Variants in NXN observed in about 807,000 individuals in gnomAD.
The protein encoded by NXN is nucleoredoxin, also known as nucleoredoxin 1.
In NXN, 16 loss-of-function variants were observed where a neutral mutation model predicts 48.6. The ratio of observed to expected loss-of-function variants is 0.33; its 90% CI spans 0.22 to 0.50. The LOEUF is 0.50. Among genes scored for constraint, NXN ranks in the 20% least tolerant of loss-of-function variants. NXN has a pLI of 0.98. For missense variants in NXN, 492 were observed against 605.5 expected, an observed-to-expected ratio of 0.81 and a Z score of 1.97; for synonymous variants, 281 against 269.6, an observed-to-expected ratio of 1.04 and a Z score of -0.41.
At chr17:846,427 AAAAAG>A (rs1444616506) in intron 1 of NXN, among the ~76,000 whole-genome samples, 25 of 149,686 alleles carry the variant, frequency 1.7e-4, no homozygotes, top group African/African-American at 5.1e-4. Context: ...AAAAAAAAAA[AAAAAG>A]AAAAGAAAAA....
rs555019477 is a variant in NXN at position 887,323 on chromosome 17, G to A, written c.361-61245C>T. On this transcript the variant is annotated intron_variant, in intron 1 of 7. Coordinates refer to ENST00000336868, the MANE Select transcript of NXN (RefSeq NM_022463.5). ...CGAAGGTTTGGCGGAGGTGCAGGGG[G>A]AGGTGTGGACAACGTACAGTCACAA... 8.4e-4 allele frequency among the ~76,000 whole-genome samples: 128 copies of A among 152,318 alleles called. 1 individual carries two copies. Among genetic ancestry groups the A allele is most frequent in the Admixed American group, 1.7e-3 (26 of 15,294 alleles).
chr17:800,710 GCCCCCGGCC>G lies in NXN; in HGVS notation c.*230_*238del. ...AGCCATGCAGCCCCGCTCTGGCCGGGCCCCCGGCCATCCCGTGCTCCCAAACAGAGTCTC... is the reference window on the plus strand; with the variant it reads ...AGCCATGCAGCCCCGCTCTGGCCGGGATCCCGTGCTCCCAAACAGAGTCTC... On this transcript the variant is annotated 3_prime_UTR_variant, in exon 8 of 8. Transcript: ENST00000336868. 2 of 357,878 alleles carry G rather than the reference GCCCCCGGCC, an allele frequency of 5.6e-6. No homozygotes were observed. Among genetic ancestry groups the G allele is most frequent in the Non-Finnish European group, 1.0e-5 (2 of 199,582 alleles). The allele number at this position is 357,878 out of a possible 1,614,324, so 22.2% of individuals were successfully genotyped here.
intron 1 of NXN, among the ~76,000 whole-genome samples, chr17:915,515 G>C (rs1043201506): frequency 4.6e-5 from 7 of 151,738 alleles, no homozygotes; most frequent in Non-Finnish European, 8.8e-5. Context: ...AAACTCTTGG[G>C]CTCAGGCAAT....
At chr17:946,880 G>C (rs566357042) in intron 1 of NXN, among the ~76,000 whole-genome samples, 1 of 152,216 alleles carries the variant, frequency 6.6e-6, no homozygotes, top group Non-Finnish European at 1.5e-5. Flanking sequence ...TCCCTGGCAC[G>C]GGGAGGTTGC....
At chr17:911,379 G>A (rs997732123) in intron 1 of NXN, among the ~76,000 whole-genome samples, 11 of 128,058 alleles carry the variant, frequency 8.6e-5, no homozygotes, top group Non-Finnish European at 1.6e-4. Context: ...TCGCTCTGTC[G>A]CCCAGGCTGG....
intron 1 of NXN, among the ~76,000 whole-genome samples, chr17:921,388 G>A (rs115958148): frequency 0.015 from 2,209 of 152,142 alleles, 68 homozygotes; most frequent in African/African-American, 0.051. Flanking sequence ...AGCGGAACCC[G>A]TCATCTTGTT....
Position 979,771 on chromosome 17 carries a change from G to T in NXN, c.-93C>A, listed in dbSNP as rs1207949595. 1.8e-6 allele frequency: 2 copies of T among 1,094,206 alleles called. No homozygotes were observed. The highest frequency in any genetic ancestry group is 2.3e-6 in the Non-Finnish European group (2 of 861,166). The allele number at this position is 1,094,206 out of a possible 1,614,324, so 67.8% of individuals were successfully genotyped here. ...GGCGGCGTCGGCGGCAGGCGCTGGG[G>T]AGAGCAGAGCCCGGCCCAGTAGGGC... On this transcript the variant is annotated 5_prime_UTR_variant, in exon 1 of 8. Coordinates refer to ENST00000336868, the MANE Select transcript of NXN (RefSeq NM_022463.5).
intron 1 of NXN, among the ~76,000 whole-genome samples, chr17:951,800 A>G (rs953115339): frequency 6.6e-6 from 1 of 152,074 alleles, no homozygotes; most frequent in Non-Finnish European, 1.5e-5. Flanking sequence ...TCCCGTGGGT[A>G]TTTCCCTGGG....
Position 956,019 on chromosome 17 carries a change from G to C in NXN, c.360+23300C>G, listed in dbSNP as rs1353580432. Among the ~76,000 whole-genome samples the C allele has an allele frequency of 6.6e-6, 1 of 151,738 alleles. No individual in the cohort carries two copies. The highest frequency in any genetic ancestry group is 1.9e-4 in the East Asian group (1 of 5,192). ...TCCCTGAGCCTCAGTTTCCCTGCCT[G>C]TCAAAGAAGACTGTGGCCACATAAT... On this transcript the variant is annotated intron_variant, in intron 1 of 7. Coordinates refer to ENST00000336868, the MANE Select transcript of NXN (RefSeq NM_022463.5). The surrounding 1 kb of genome is among the most constrained non-coding windows in gnomAD (Gnocchi z 4.1).
intron 1 of NXN, among the ~76,000 whole-genome samples, chr17:846,312 G>C (rs1196833250): frequency 6.6e-6 from 1 of 150,854 alleles, no homozygotes; most frequent in Non-Finnish European, 1.5e-5. Flanking sequence ...CAGCTGCTCG[G>C]GAGGCTGAGG....
At chr17:960,016 C>CG (rs1256243761) in intron 1 of NXN, among the ~76,000 whole-genome samples, 3 of 151,928 alleles carry the variant, frequency 2.0e-5, no homozygotes, top group Non-Finnish European at 2.9e-5. Flanking sequence ...CGCTTGAACC[C>CG]GGGGGGCAGA....
At chr17:807,232 C>T (rs1911608228) in intron 5 of NXN, among the ~76,000 whole-genome samples, 1 of 152,226 alleles carries the variant, frequency 6.6e-6, no homozygotes, top group African/African-American at 2.4e-5. Context: ...TCACCACACA[C>T]CCTTCTCAAA....
intron 1 of NXN, among the ~76,000 whole-genome samples, chr17:871,594 G>A (rs146362429): frequency 0.026 from 3,877 of 151,492 alleles, 155 homozygotes; most frequent in East Asian, 0.2. Flanking sequence ...TAGTAGAGAC[G>A]GGGTTTCACC....
intron 5 of NXN, among the ~76,000 whole-genome samples, chr17:816,756 T>C (rs1912492061): frequency 6.6e-6 from 1 of 152,062 alleles, no homozygotes; most frequent in Non-Finnish European, 1.5e-5. Context: ...CAGCCCTCAG[T>C]AAAGACATTC....
At chr17:876,126 G>A (rs77659480) in intron 1 of NXN, among the ~76,000 whole-genome samples, 14,305 of 151,458 alleles carry the variant, frequency 0.094, 832 homozygotes, top group South Asian at 0.22. Flanking sequence ...AGGTTGCAGC[G>A]TGCCAAGACC....
At chr17:903,082 AT>A (rs1370116026) in intron 1 of NXN, among the ~76,000 whole-genome samples, 1 of 151,872 alleles carries the variant, frequency 6.6e-6, no homozygotes, top group Non-Finnish European at 1.5e-5. Flanking sequence ...CCCTCCCATC[AT>A]TTCATCGACC....
intron 1 of NXN, among the ~76,000 whole-genome samples, chr17:973,089 C>G (rs1039469931): frequency 1.3e-5 from 2 of 152,028 alleles, no homozygotes; most frequent in Non-Finnish European, 2.9e-5. Context: ...GGGCTTGCCT[C>G]TGTGCTCTAG....
intron 1 of NXN, among the ~76,000 whole-genome samples, chr17:853,486 G>T (rs1258307304): frequency 6.6e-6 from 1 of 151,192 alleles, no homozygotes; most frequent in South Asian, 2.1e-4. Flanking sequence ...CAGGCCCACT[G>T]AAGTCTCTTT....
At chr17:861,617 C>T (rs958102036) in intron 1 of NXN, among the ~76,000 whole-genome samples, 3 of 152,130 alleles carry the variant, frequency 2.0e-5, no homozygotes, top group African/African-American at 7.2e-5. Context: ...GAACGTCTCA[C>T]TGAGTGCCAG....
Sources: allele counts gnomAD v4.1 joint callset (sites outside exome capture counted in the v4.1 genomes callset), GRCh38; gene constraint gnomAD v4.1.1; non-coding constraint Gnocchi (gnomAD v3.1); transcripts MANE v1.5; gene names NCBI Gene and HGNC (gene_info 2026-07-23, HGNC 2026-07-21).